Variants in PRKRIP1 observed in about 807,000 individuals in gnomAD.
PRKRIP1 encodes PRKR-interacting protein 1.
Under a neutral mutation model 29.3 loss-of-function variants are expected in PRKRIP1, and 29 were observed. The ratio of observed to expected loss-of-function variants is 0.99; its 90% CI spans 0.74 to 1.35. The LOEUF (loss-of-function observed/expected upper bound fraction) is 1.35. PRKRIP1 is among the 40% of genes most tolerant of loss of function. The pLI, the probability that PRKRIP1 is intolerant of heterozygous loss-of-function variation, is 0.00. For missense variants in PRKRIP1, 247 were observed against 236.8 expected (o/e 1.04, Z -0.28); for synonymous variants, 90 against 85.1 (o/e 1.06, Z -0.32).
In PRKRIP1 at chr7:102,425,052, G is replaced by A; in HGVS notation, c.496G>A (p.Ala166Thr). ...CAAGGAGCAGGGGTCCAGCAGCTCT[G>A]CGGAGGCATCTGGAACAGAGGAGGA... ...QPKEQGSSSS[A>T]EASGTEEEEE... is the part of the protein sequence containing the mutation. The change falls in exon 6 of 6, where the codon GCG (alanine) becomes ACG (threonine). Residue 166 changes from alanine (A) to threonine (T), a missense_variant. Coordinates refer to ENST00000397912, the MANE Select transcript of PRKRIP1 (RefSeq NM_024653.4). 4.3e-6 allele frequency: 7 copies of A among 1,613,912 alleles called. No individual in the cohort carries two copies. The highest frequency in any genetic ancestry group is 5.9e-6 in the Non-Finnish European group (7 of 1,179,998).
At chr7:102,423,914 A>G (rs1265176347) in intron 5 of PRKRIP1, among the ~76,000 whole-genome samples, 1 of 152,146 alleles carries the variant, frequency 6.6e-6, no homozygotes, top group Non-Finnish European at 1.5e-5. Flanking sequence ...CATCCTCCTC[A>G]GCCTCCCAAA....
chr7:102,424,000 T>TA (rs1267110738), intron 5 of PRKRIP1, among the ~76,000 whole-genome samples: 7 of 152,288 alleles, frequency 4.6e-5, no homozygotes, highest in African/African-American at 1.7e-4. Context: ...TGCTGTGTGG[T>TA]ATGAGGTTGA....
chr7:102,416,523 C>G (rs1276280108), intron 5 of PRKRIP1, among the ~76,000 whole-genome samples: 1 of 152,114 alleles, frequency 6.6e-6, no homozygotes, highest in Non-Finnish European at 1.5e-5. Flanking sequence ...TCTGTGGGTC[C>G]AGTACTCTAT....
chr7:102,399,648 G>C lies in PRKRIP1; in HGVS notation c.306G>C (p.Lys102Asn). The change falls in exon 3 of 6, where the codon AAG becomes AAC. Residue 102 changes from lysine (K) to asparagine (N), a missense_variant and splice_region_variant. Physicochemically the swap from Lys to Asn is moderately conservative, Grantham distance 94. Around this residue, in one of 3 missense-constraint regions of PRKRIP1, gnomAD observed 134 missense variants for 126.6 expected, o/e 1.06. Coordinates refer to ENST00000397912, the MANE Select transcript of PRKRIP1 (RefSeq NM_024653.4). ...ACTACATGGATGCCATGGCTGAGAA[G>C]GTCAGTGAGCCAGAAGGCTGGCTGA... ...RQDYMDAMAEKQKLDAEFQKR... is the reference protein window; with the variant it reads ...RQDYMDAMAENQKLDAEFQKR... 6.2e-7 allele frequency: 1 copy of C among 1,610,968 alleles called. No homozygotes were observed. Among genetic ancestry groups the C allele is most frequent in the Non-Finnish European group, 8.5e-7 (1 of 1,177,216 alleles).
At chr7:102,413,726 C>T (rs1554572769) in intron 5 of PRKRIP1, among the ~76,000 whole-genome samples, 1 of 152,090 alleles carries the variant, frequency 6.6e-6, no homozygotes, top group Non-Finnish European at 1.5e-5. Context: ...TTATAGATGT[C>T]CTGATTTTAT....
Position 102,425,552 on chromosome 7 carries a change from C to T in PRKRIP1, c.*441C>T, listed in dbSNP as rs1796810221. On this transcript the variant is annotated 3_prime_UTR_variant, in exon 6 of 6. Transcript: ENST00000397912. Reference sequence around the variant, plus strand: ...GAAGACACATTACGTGGACCTGGTCCCAGGCTCAGTGAGGAGATGGCCTCA... The same window carrying T: ...GAAGACACATTACGTGGACCTGGTCTCAGGCTCAGTGAGGAGATGGCCTCA... 2 of 280,208 alleles carry T rather than the reference C, an allele frequency of 7.1e-6. No individual in the cohort carries two copies. The highest frequency in any genetic ancestry group is 1.4e-5 in the Non-Finnish European group (2 of 144,022). The allele number at this position is 280,208 out of a possible 1,614,324, so 17.4% of individuals were successfully genotyped here.
chr7:102,424,696 A>G (rs1440609518), intron 5 of PRKRIP1, among the ~76,000 whole-genome samples: 3 of 152,164 alleles, frequency 2.0e-5, no homozygotes, highest in Admixed American at 6.5e-5. Context: ...CTGGGTCGGG[A>G]AGTTGCCCAC....
chr7:102,421,182 C>T (rs1022634387), intron 5 of PRKRIP1, among the ~76,000 whole-genome samples: 2 of 152,130 alleles, frequency 1.3e-5, no homozygotes, highest in African/African-American at 4.8e-5. Context: ...GACTGCCACG[C>T]GTGACCTGAA....
rs1337386531 is a variant in PRKRIP1 at position 102,423,175 on chromosome 7, C to T, written c.458-1839C>T. On this transcript the variant is annotated intron_variant, in intron 5 of 5. Transcript: ENST00000397912. ...TGTCACCCAGGCTGGAGTGCAGTGG[C>T]GCTATCTCGGCTCACTGCAACCTTT... 9 of 447,084 alleles carry T rather than the reference C, an allele frequency of 2.0e-5. 1 individual carries two copies. The highest frequency in any genetic ancestry group is 4.7e-5 in the South Asian group (3 of 63,914). 27.7% of individuals were successfully genotyped at this position (447,084 alleles called of 1,614,324 possible).
At chr7:102,409,010 C>T (rs571109265) in intron 5 of PRKRIP1, among the ~76,000 whole-genome samples, 49 of 152,158 alleles carry the variant, frequency 3.2e-4, no homozygotes, top group Admixed American at 2.6e-3. Flanking sequence ...CCCATCTCTA[C>T]TAAAAATACA....
intron 5 of PRKRIP1, among the ~76,000 whole-genome samples, chr7:102,419,127 A>G (rs1401886696): frequency 6.6e-6 from 1 of 152,038 alleles, no homozygotes; most frequent in Non-Finnish European, 1.5e-5. Flanking sequence ...AAATTAGCAT[A>G]ATTCAGCCAG....
chr7:102,416,082 TCCGGCCC>T (rs1461879334), intron 5 of PRKRIP1, among the ~76,000 whole-genome samples: 30 of 152,202 alleles, frequency 2.0e-4, no homozygotes, highest in Non-Finnish European at 4.1e-4. Flanking sequence ...CTCACCTTCC[TCCGGCCC>T]CCGGCCCTAG....
intron 5 of PRKRIP1, among the ~76,000 whole-genome samples, chr7:102,416,364 T>C (rs1439136471): frequency 1.3e-5 from 2 of 152,246 alleles, no homozygotes; most frequent in African/African-American, 4.8e-5. Flanking sequence ...TCGATACACT[T>C]GTTAGCTGAA....
intron 5 of PRKRIP1, among the ~76,000 whole-genome samples, chr7:102,418,247 A>G (rs911224796): frequency 6.7e-6 from 1 of 150,204 alleles, no homozygotes; most frequent in Non-Finnish European, 1.5e-5. Flanking sequence ...ACAGGGTTTC[A>G]CCATGTTGGC....
chr7:102,396,499 G>C lies in PRKRIP1; in HGVS notation c.88G>C (p.Glu30Gln). The change falls in exon 1 of 6, where the codon GAG becomes CAG. Residue 30 changes from glutamate to glutamine, a missense_variant. Around this residue, in one of 3 missense-constraint regions of PRKRIP1, gnomAD observed 105 missense variants for 80.2 expected, o/e 1.31. Transcript: ENST00000397912. ...CGTCATCCCCAAGAATGCGGCGGAGGAGCAGAAGCTCAAGCTGGAGCGGCT... is the reference window on the plus strand; with the variant it reads ...CGTCATCCCCAAGAATGCGGCGGAGCAGCAGAAGCTCAAGCTGGAGCGGCT... ...TLVIPKNAAE[E>Q]QKLKLERLMK... 3.1e-6 allele frequency: 5 copies of C among 1,610,166 alleles called. No homozygotes were observed. The highest frequency in any genetic ancestry group is 3.4e-6 in the Non-Finnish European group (4 of 1,179,056).
Position 102,411,770 on chromosome 7 carries a change from A to G in PRKRIP1, c.457+4272A>G, listed in dbSNP as rs374798264. ...TAACGCCCACCAGTGCAAAAAGGCT[A>G]TAATTTCTCCACATCCTCACCAACA... On this transcript the variant is annotated intron_variant, in intron 5 of 5. Transcript: ENST00000397912. Among the ~76,000 whole-genome samples the G allele has an allele frequency of 8.6e-5, 13 of 151,206 alleles. No homozygotes were observed. The East Asian group carries it at 2.1e-3, about 25-fold the overall frequency.
At position 102,424,848 on chromosome 7, in the gene PRKRIP1, C is replaced by T. The variant is rs562620763; in HGVS notation, c.458-166C>T. On this transcript the variant is annotated intron_variant, in intron 5 of 5. Coordinates refer to ENST00000397912, the MANE Select transcript of PRKRIP1 (RefSeq NM_024653.4). ...TCAGGTCTGTGAGCCACCCTTACTC[C>T]TGGGGAATGGCTCAGAGGACTGGTG... Among the ~76,000 whole-genome samples the T allele has an allele frequency of 2.7e-3, 412 of 152,232 alleles. 2 individuals carry two copies. Among genetic ancestry groups the T allele is most frequent in the Non-Finnish European group, 3.8e-3 (261 of 68,006 alleles).
intron 3 of PRKRIP1, among the ~76,000 whole-genome samples, chr7:102,402,564 C>T (rs1796102145): frequency 6.6e-6 from 1 of 152,132 alleles, no homozygotes; most frequent in African/African-American, 2.4e-5. Flanking sequence ...CTGTCTCAAA[C>T]ACTATAAATT....
At chr7:102,402,171 G>A (rs782757381) in intron 3 of PRKRIP1, among the ~76,000 whole-genome samples, 90 of 152,096 alleles carry the variant, frequency 5.9e-4, no homozygotes, top group Non-Finnish European at 1.0e-3. Context: ...AGCTGGGTGC[G>A]GCAGCTCACA....
Sources: gnomAD v4.1 joint callset for allele counts (sites outside exome capture counted in the v4.1 genomes callset) on GRCh38, gnomAD v4.1.1 for gene constraint, gnomAD v4.1.1 regional missense constraint, MANE v1.5 for transcripts, NCBI Gene and HGNC (gene_info 2026-07-23, HGNC 2026-07-21) for gene names.